EXOC2: variants seen among roughly 807,000 people sequenced by gnomAD.
EXOC2 encodes the protein exocyst complex component 2, also known as SEC5-like 1.
A neutral mutation model predicts 131.8 loss-of-function variants in EXOC2; 70 were observed. The ratio of observed to expected loss-of-function variants is 0.53; its 90% CI spans 0.44 to 0.65. The LOEUF (loss-of-function observed/expected upper bound fraction) is 0.65, where lower values mean the gene tolerates loss of function less well. Ranked by LOEUF, EXOC2 falls within the 30% of genes least tolerant of loss-of-function variation. The pLI, the probability that EXOC2 is intolerant of heterozygous loss-of-function variation, is 0.00. For synonymous variants in EXOC2, 411 were observed against 398.4 expected (o/e 1.03, Z -0.38); for missense variants, 923 against 1,108.6 (o/e 0.83, Z 2.38).
At chr6:581,954 A>C (rs1035924205) in intron 11 of EXOC2, among the ~76,000 whole-genome samples, 1 of 152,230 alleles carries the variant, frequency 6.6e-6, no homozygotes, top group African/African-American at 2.4e-5. Flanking sequence ...ACCTCTAGAC[A>C]TTTTAACAAG....
chr6:681,278 G>A (rs1764391446), intron 1 of EXOC2, among the ~76,000 whole-genome samples: 1 of 152,106 alleles, frequency 6.6e-6, no homozygotes, highest in South Asian at 2.1e-4. Context: ...AAACATCTAA[G>A]CAGAACAACT....
intron 22 of EXOC2, among the ~76,000 whole-genome samples, chr6:539,431 C>T (rs1301143150): frequency 1.3e-5 from 2 of 152,100 alleles, no homozygotes; most frequent in Non-Finnish European, 2.9e-5. Flanking sequence ...AATAAGCCAC[C>T]GCCCTGCCTT....
intron 23 of EXOC2, among the ~76,000 whole-genome samples, chr6:501,725 T>C (rs967337003): frequency 2.9e-5 from 4 of 138,734 alleles, no homozygotes; most frequent in Non-Finnish European, 4.6e-5. Flanking sequence ...GATATATCTA[T>C]CTATGTATAT....
chr6:555,318 C>G, intron 19 of EXOC2, 30 bp from the exon 20 acceptor site: 1 of 1,429,010 alleles, frequency 7.0e-7, no homozygotes, highest in African/African-American at 1.4e-5. Flanking sequence ...TCAGAACTCT[C>G]AGAGGAATGA....
At chr6:676,854 C>G (rs1764157003) in intron 1 of EXOC2, among the ~76,000 whole-genome samples, 1 of 132,268 alleles carries the variant, frequency 7.6e-6, no homozygotes, top group African/African-American at 2.8e-5. Context: ...TGCGGTTCCC[C>G]ATACTCTTCA....
intron 3 of EXOC2, 58 bp from the exon 4 acceptor site, chr6:630,019 C>T (rs373296788): frequency 2.1e-5 from 33 of 1,589,280 alleles, no homozygotes; most frequent in African/African-American, 1.6e-4. Context: ...GCACCTTCTA[C>T]GTCTGGCCTA....
intron 17 of EXOC2, 73 bp from the exon 18 acceptor site, chr6:556,637 A>G (rs1044505275): frequency 8.7e-6 from 13 of 1,500,248 alleles, no homozygotes; most frequent in Middle Eastern, 1.7e-4. Context: ...ACACAAGCGA[A>G]TATGGCCCCA....
chr6:550,733 G>A (rs1224509519), intron 21 of EXOC2, among the ~76,000 whole-genome samples: 5 of 152,170 alleles, frequency 3.3e-5, no homozygotes, highest in African/African-American at 7.2e-5. Context: ...TCACCATGAC[G>A]CAGTCCCTGT....
At chr6:499,429 A>AC (rs1204321238) in intron 24 of EXOC2, among the ~76,000 whole-genome samples, 8 of 121,804 alleles carry the variant, frequency 6.6e-5, no homozygotes, top group Non-Finnish European at 8.5e-5. Context: ...ACTCACAGTT[A>AC]AACACACACA....
At chr6:510,230 G>C (rs1304651761) in intron 23 of EXOC2, among the ~76,000 whole-genome samples, 1 of 152,106 alleles carries the variant, frequency 6.6e-6, no homozygotes, top group Non-Finnish European at 1.5e-5. Flanking sequence ...CCCTTCGTCA[G>C]GTTTTAGTGC....
chr6:491,040 A>G, intron 26 of EXOC2, 85 bp downstream of exon 26: 1 of 1,347,336 alleles, frequency 7.4e-7, no homozygotes, highest in Non-Finnish European at 1.1e-6. Context: ...TGCTCTGATC[A>G]GTCATCTTTA....
chr6:533,976 G>A (rs1766266465), intron 22 of EXOC2, among the ~76,000 whole-genome samples: 1 of 152,088 alleles, frequency 6.6e-6, no homozygotes. Flanking sequence ...AACTTGAACA[G>A]AAAAAAGAAA....
intron 25 of EXOC2, 108 bp downstream of exon 25, chr6:497,256 CAGT>C (rs1763795666): frequency 4.3e-6 from 4 of 920,382 alleles, no homozygotes; most frequent in South Asian, 3.3e-5. Context: ...CTTCTTCAAT[CAGT>C]AGATCCATTA....
chr6:566,399 G>GT (rs893947675), intron 13 of EXOC2, among the ~76,000 whole-genome samples: 2 of 152,344 alleles, frequency 1.3e-5, no homozygotes, highest in African/African-American at 4.8e-5. Flanking sequence ...ACAGCAGCAG[G>GT]TGAGCCCAGG....
chr6:668,328 C>T (rs916112313), intron 1 of EXOC2, among the ~76,000 whole-genome samples: 15 of 152,206 alleles, frequency 9.9e-5, no homozygotes, highest in African/African-American at 2.9e-4. Flanking sequence ...TTCTGGGTGA[C>T]GCATGCTTTC....
chr6:550,881 C>T (rs1757107865), intron 21 of EXOC2, among the ~76,000 whole-genome samples: 1 of 152,250 alleles, frequency 6.6e-6, no homozygotes, highest in South Asian at 2.1e-4. Flanking sequence ...GTCTCCTTAT[C>T]TAGCAGACCT....
At chr6:547,314 GT>G (rs1278587834) in intron 22 of EXOC2, among the ~76,000 whole-genome samples, 3 of 152,204 alleles carry the variant, frequency 2.0e-5, no homozygotes, top group Non-Finnish European at 4.4e-5. Context: ...GTAAGTACCA[GT>G]AAGAAAGCAG....
chr6:615,678 C>T (rs1349320617), intron 6 of EXOC2, among the ~76,000 whole-genome samples: 1 of 150,422 alleles, frequency 6.6e-6, no homozygotes, highest in African/African-American at 2.5e-5. Context: ...TGAAATCGCA[C>T]CACCGCACTC....
chr6:556,051 G>A (rs745722353), intron 18 of EXOC2, 38 bp from the exon 19 acceptor site: 1 of 1,594,024 alleles, frequency 6.3e-7, no homozygotes, highest in Admixed American at 1.7e-5. Context: ...TTTGGACTTT[G>A]CTAAGAAAAG....
Sources: gnomAD v4.1 joint callset for allele counts (sites outside exome capture counted in the v4.1 genomes callset) on GRCh38, gnomAD v4.1.1 for gene constraint, MANE v1.5 for transcripts, NCBI Gene and HGNC (gene_info 2026-07-23, HGNC 2026-07-21) for gene names.